The following CCDC163 variants were observed in gnomAD, a reference collection of about 807,000 sequenced individuals.
CCDC163 encodes the protein CCDC163 homolog.
In CCDC163, 13 loss-of-function variants were observed where a neutral mutation model predicts 8.2. That is an observed-to-expected ratio of 1.59 (90% CI 1.04 to 2.54). The LOEUF is 2.54. Among genes scored for constraint, CCDC163 ranks in the 30% most tolerant of loss-of-function variants. The pLI is 0.00. For missense variants in CCDC163, 117 were observed against 78.6 expected (o/e 1.49, Z -1.85); for synonymous variants, 41 against 30.9 (o/e 1.33, Z -1.08).
Position 45,499,611 on chromosome 1 carries a change from T to A in CCDC163, c.-2A>T, listed in dbSNP as rs745876909. On this transcript the variant is annotated 5_prime_UTR_variant, in exon 1 of 5. Coordinates refer to ENST00000629482, the MANE Select transcript of CCDC163 (RefSeq NM_001102601.3). ...AAACCAGCTGAGGCTCGTATTCATA[T>A]CCTGTGGCAGGGGAGCGGCAGGGGT... 2 of 767,202 alleles carry A rather than the reference T, an allele frequency of 2.6e-6. No homozygotes were observed. The highest frequency in any genetic ancestry group is 4.9e-6 in the Non-Finnish European group (2 of 411,614). The allele number at this position is 767,202 out of a possible 1,614,324, so 47.5% of individuals were successfully genotyped here.
chr1:45,497,332 G>C lies in CCDC163; in HGVS notation c.229C>G (p.Gln77Glu), dbSNP rs1654248399. ...TACTGCAGCAACTTCAATTCCTTCTGCATAATCTCTGACTCCTCCCACAGC... is the reference window on the plus strand; with the variant it reads ...TACTGCAGCAACTTCAATTCCTTCTCCATAATCTCTGACTCCTCCCACAGC... ...AVLWEESEIM[Q>E]KELKLLQYQL... The change falls in exon 3 of 5, where the codon CAG becomes GAG. Residue 77 changes from glutamine (Q) to glutamate (E), a missense_variant. Transcript: ENST00000629482. 2 of 780,180 alleles carry C rather than the reference G, an allele frequency of 2.6e-6. No individual in the cohort carries two copies. Among genetic ancestry groups the C allele is most frequent in the Non-Finnish European group, 4.8e-6 (2 of 417,574 alleles). The allele number at this position is 780,180 out of a possible 1,614,324, so 48.3% of individuals were successfully genotyped here.
intron 2 of CCDC163, among the ~76,000 whole-genome samples, chr1:45,497,743 T>C (rs1643374409): frequency 4.5e-5 from 1 of 22,318 alleles, no homozygotes; most frequent in Non-Finnish European, 9.1e-5. Context: ...AGCCGCCCCG[T>C]CTGGGAGGGA....
chr1:45,497,428 T>C (rs1289428580), intron 2 of CCDC163, 45 bp from the exon 3 acceptor site: 2 of 765,434 alleles, frequency 2.6e-6, no homozygotes, highest in African/African-American at 1.7e-5. Context: ...AAGTAGAGTA[T>C]CTAGGGTCTT....
intron 2 of CCDC163, among the ~76,000 whole-genome samples, chr1:45,497,642 C>A (rs1654296647): frequency 1.8e-5 from 2 of 109,716 alleles, no homozygotes; most frequent in Admixed American, 1.2e-4. Flanking sequence ...CTCTGCCCGG[C>A]CGCCACCCCG....
At chr1:45,495,586 T>C (rs1169241739) in intron 4 of CCDC163, 2 of 700,182 alleles carry the variant, frequency 2.9e-6, no homozygotes, top group Admixed American at 4.0e-5. Flanking sequence ...AAGATAATGA[T>C]GTATCAAGGG....
intron 4 of CCDC163, among the ~76,000 whole-genome samples, chr1:45,495,736 A>G (rs1246260768): frequency 7.2e-6 from 1 of 139,526 alleles, no homozygotes; most frequent in Non-Finnish European, 1.5e-5. Context: ...GCATGATCTC[A>G]GTTTACTGCA....
At chr1:45,498,334 C>A (rs185874745) in intron 2 of CCDC163, 2,013 of 152,842 alleles carry the variant, frequency 0.013, 17 homozygotes, top group Non-Finnish European at 0.021. Flanking sequence ...GTCCTATGAC[C>A]CTGCCAAATC....
At chr1:45,497,696 G>C (rs1165458235) in intron 2 of CCDC163, among the ~76,000 whole-genome samples, 13 of 37,596 alleles carry the variant, frequency 3.5e-4, no homozygotes, top group East Asian at 1.2e-3. Flanking sequence ...CACCCCGTCC[G>C]GGAGGGAGGT....
intron 2 of CCDC163, 61 bp downstream of exon 2, chr1:45,499,284 G>C (rs751032065): frequency 3.3e-5 from 24 of 727,030 alleles, no homozygotes; most frequent in Non-Finnish European, 6.1e-5. Context: ...TGGATGATAC[G>C]GGCACTGGAG....
At chr1:45,498,591 C>G (rs1643434906) in intron 2 of CCDC163, 1 of 152,846 alleles carries the variant, frequency 6.5e-6, no homozygotes, top group South Asian at 2.1e-4. Flanking sequence ...AGGCATTGCT[C>G]CAGGAGAAAA....
rs182868907 is a variant in CCDC163, at chr1:45,499,692, C to T, written c.-83G>A. The T allele has an allele frequency of 1.4e-6, 1 of 695,634 alleles. No homozygotes were observed. The highest frequency in any genetic ancestry group is 1.8e-5 in the African/African-American group (1 of 56,126). The allele number at this position is 695,634 out of a possible 1,614,324, so 43.1% of individuals were successfully genotyped here. Reference sequence around the variant, plus strand: ...CTAGCGGGGGATACCCAAGGTATCCCCAGGAAAGGCCACCACGTTAGATGG... The same window carrying T: ...CTAGCGGGGGATACCCAAGGTATCCTCAGGAAAGGCCACCACGTTAGATGG... On this transcript the variant is annotated 5_prime_UTR_variant, in exon 1 of 5. Transcript: ENST00000629482.
At chr1:45,497,643 C>CA (rs1654297316) in intron 2 of CCDC163, among the ~76,000 whole-genome samples, 1 of 76,134 alleles carries the variant, frequency 1.3e-5, no homozygotes, top group Non-Finnish European at 2.6e-5. Context: ...TCTGCCCGGC[C>CA]GCCACCCCGT....
chr1:45,495,554 G>C (rs1368563988), intron 4 of CCDC163: 4 of 702,412 alleles, frequency 5.7e-6, no homozygotes, highest in Non-Finnish European at 1.0e-5. Flanking sequence ...TCCTGGAAAG[G>C]GGAACAGAAC....
At chr1:45,497,705 G>C (rs1372610050) in intron 2 of CCDC163, among the ~76,000 whole-genome samples, 1 of 27,536 alleles carries the variant, frequency 3.6e-5, no homozygotes, top group Non-Finnish European at 7.0e-5. Flanking sequence ...CGGGAGGGAG[G>C]TGGAGGGGGT....
At position 45,496,642 on chromosome 1, in the gene CCDC163, G is replaced by A. The variant is rs780872144; in HGVS notation, c.263-19C>T. 12 of 775,776 alleles carry A rather than the reference G, an allele frequency of 1.5e-5. No individual in the cohort carries two copies. In the Admixed American group the frequency reaches 1.7e-4, roughly 11 times the overall value. The allele number at this position is 775,776 out of a possible 1,614,324, so 48.1% of individuals were successfully genotyped here. On this transcript the variant is annotated intron_variant, in intron 3 of 4. Transcript: ENST00000629482. The stretch of plus-strand genomic sequence containing the variant: ...TGCTGGCCTGCAGATGAGAGAGAAT[G>A]TAAGGGGGCTGTTCCCCAACTTCTT...
chr1:45,499,929 A>C lies in CCDC163; in HGVS notation c.-320T>G. The stretch of plus-strand genomic sequence containing the variant: ...TAGTACACTGGCGCCACCACGCCAA[A>C]CCTGTGCCAGTGACAACTGCCGCCG... On this transcript the variant is annotated 5_prime_UTR_variant, in exon 1 of 5. Coordinates refer to ENST00000629482, the MANE Select transcript of CCDC163 (RefSeq NM_001102601.3). 1 of 487,946 alleles carries C rather than the reference A, an allele frequency of 2.0e-6. No homozygotes were observed. Among genetic ancestry groups the C allele is most frequent in the Non-Finnish European group, 3.7e-6 (1 of 266,866 alleles). 30.2% of individuals were successfully genotyped at this position (487,946 alleles called of 1,614,324 possible).
At chr1:45,497,802 G>A in intron 2 of CCDC163, among the ~76,000 whole-genome samples, 1 of 144,662 alleles carries the variant, frequency 6.9e-6, no homozygotes, top group Non-Finnish European at 1.5e-5. Context: ...TCCGGGAGGT[G>A]AGGGGTGCCT....
chr1:45,495,655 CTTTTTTTTTTTTTTTTTTT>C (rs71052890), intron 4 of CCDC163: 3 of 469,308 alleles, frequency 6.4e-6, no homozygotes, highest in Non-Finnish European at 1.2e-5. Context: ...TCTCCTCCCT[CTTTTTTTTTTTTTTTTTTT>C]TTTTTTTTTT....
intron 2 of CCDC163, among the ~76,000 whole-genome samples, chr1:45,497,800 G>C: frequency 6.9e-6 from 1 of 144,174 alleles, no homozygotes; most frequent in African/African-American, 2.6e-5. Context: ...CATCCGGGAG[G>C]TGAGGGGTGC....
Sources: allele counts gnomAD v4.1 joint callset (sites outside exome capture counted in the v4.1 genomes callset), GRCh38; gene constraint gnomAD v4.1.1; transcripts MANE v1.5; gene names NCBI Gene and HGNC (gene_info 2026-07-23, HGNC 2026-07-21).